The following FRMPD2 variants were observed in gnomAD, a reference collection of about 807,000 sequenced individuals.
FRMPD2 encodes the protein FERM and PDZ domain-containing protein 2.
In FRMPD2, 96 loss-of-function variants were observed where a neutral mutation model predicts 140.1. That is an observed-to-expected ratio of 0.69 (90% CI 0.58 to 0.81). The LOEUF is 0.81. FRMPD2 is among the 40% of genes least tolerant of loss of function. FRMPD2 has a pLI of 0.00. For missense variants in FRMPD2, 1,240 were observed against 1,447.4 expected (o/e 0.86, Z 2.32); for synonymous variants, 449 against 547.6 (o/e 0.82, Z 2.52).
At position 48,222,392 on chromosome 10, in the gene FRMPD2, C is replaced by T. The variant is rs755834652; in HGVS notation, c.1376G>A (p.Arg459Lys). The T allele has an allele frequency of 7.4e-6, 12 of 1,614,060 alleles. No individual in the cohort carries two copies. The highest frequency in any genetic ancestry group is 2.2e-5 in the South Asian group (2 of 91,086). ...LQLRKDILEE[R>K]LYCNEEILLQ... ...CAGTATCTCTTCATTGCAGTACAGC[C>T]TCTCCTCCAGGATATCTTTCCGAAG... The change falls in exon 12 of 29, where the codon AGG (arginine) becomes AAG (lysine). Residue 459 changes from arginine (R) to lysine (K), a missense_variant. Physicochemically the swap from Arg to Lys is conservative, Grantham distance 26. This residue lies in a region of FRMPD2 where 1,161 missense variants were observed against 1,055.9 expected (regional missense o/e 1.10). Coordinates refer to ENST00000374201, the MANE Select transcript of FRMPD2 (RefSeq NM_001018071.4).
intron 15 of FRMPD2, among the ~76,000 whole-genome samples, 186 bp downstream of exon 15, chr10:48,201,042 T>C (rs1463946708): frequency 3.3e-5 from 5 of 152,236 alleles, no homozygotes; most frequent in South Asian, 2.1e-4. Flanking sequence ...CCCAGTGTTA[T>C]TTATTTTAGT....
rs377038738 is a variant in FRMPD2, at chr10:48,232,189, C to T, written c.1094G>A (p.Gly365Glu). 9.0e-5 allele frequency: 145 copies of T among 1,614,074 alleles called. 1 individual carries two copies. Among genetic ancestry groups the T allele is most frequent in the Non-Finnish European group, 1.2e-4 (141 of 1,180,044 alleles). ...GGATGTCACGGCATTGAAGACAGCTCCCACTGTTGATTCAACATCACATTT... is the reference window on the plus strand; with the variant it reads ...GGATGTCACGGCATTGAAGACAGCTTCCACTGTTGATTCAACATCACATTT... ...EVKCDVESTV[G>E]AVFNAVTSFA... The change falls in exon 10 of 29, where the codon GGA (glycine) becomes GAA (glutamate). Residue 365 changes from glycine (G) to glutamate (E), a missense_variant. By Grantham distance (98) the Gly-to-Glu change is moderately conservative. Coordinates refer to ENST00000374201, the MANE Select transcript of FRMPD2 (RefSeq NM_001018071.4).
chr10:48,247,209 T>C (rs1444697618), intron 3 of FRMPD2, among the ~76,000 whole-genome samples: 1 of 152,240 alleles, frequency 6.6e-6, no homozygotes. Context: ...AAAGACGCTC[T>C]GGGCAGAGAA....
intron 14 of FRMPD2, among the ~76,000 whole-genome samples, chr10:48,204,090 G>C (rs1839148649): frequency 6.6e-6 from 1 of 152,198 alleles, no homozygotes; most frequent in South Asian, 2.1e-4. Context: ...CCAGCAGCCA[G>C]ATGAAATTGA....
At chr10:48,237,601 G>C (rs955602319) in intron 8 of FRMPD2, among the ~76,000 whole-genome samples, 6 of 152,062 alleles carry the variant, frequency 3.9e-5, no homozygotes, top group African/African-American at 1.4e-4. Context: ...CCCTATAGAA[G>C]CCCTCCCTGC....
intron 1 of FRMPD2, among the ~76,000 whole-genome samples, chr10:48,261,382 C>T (rs558040732): frequency 6.6e-6 from 1 of 151,334 alleles, no homozygotes; most frequent in East Asian, 1.9e-4. Context: ...ATTAATATTC[C>T]CCAGCAAAAA....
intron 15 of FRMPD2, 49 bp from the exon 16 acceptor site, chr10:48,192,943 C>T: frequency 1.5e-6 from 2 of 1,374,508 alleles, no homozygotes; most frequent in Non-Finnish European, 2.1e-6. Flanking sequence ...AAGAATGATG[C>T]TGGATCCATT....
chr10:48,207,008 A>G (rs966916856), intron 13 of FRMPD2, 75 bp from the exon 14 acceptor site: 7 of 1,329,310 alleles, frequency 5.3e-6, no homozygotes, highest in Non-Finnish European at 7.2e-6. Context: ...CATTCACTCC[A>G]TGCAAAACAC....
chr10:48,250,022 T>A (rs921816832), intron 2 of FRMPD2, among the ~76,000 whole-genome samples: 1 of 152,172 alleles, frequency 6.6e-6, no homozygotes, highest in Non-Finnish European at 1.5e-5. Flanking sequence ...GCCCAGGATG[T>A]GAGGTCACTT....
intron 3 of FRMPD2, among the ~76,000 whole-genome samples, chr10:48,248,213 T>C (rs1432886914): frequency 6.6e-6 from 1 of 152,156 alleles, no homozygotes; most frequent in African/African-American, 2.4e-5. Flanking sequence ...CCCCATCCAG[T>C]GTTGTGTGGC....
At chr10:48,247,203 A>G (rs1302710000) in intron 3 of FRMPD2, among the ~76,000 whole-genome samples, 1 of 152,206 alleles carries the variant, frequency 6.6e-6, no homozygotes, top group Non-Finnish European at 1.5e-5. Context: ...CAGCTCAAAG[A>G]CGCTCTGGGC....
chr10:48,234,750 T>C (rs959605362), intron 9 of FRMPD2, among the ~76,000 whole-genome samples: 4 of 152,012 alleles, frequency 2.6e-5, no homozygotes, highest in African/African-American at 7.2e-5. Context: ...GGGTCCAAGG[T>C]CCCCTCTGAG....
Position 48,239,623 on chromosome 10 carries a change from C to T in FRMPD2, c.770G>A (p.Cys257Tyr). 2 of 1,614,010 alleles carry T rather than the reference C, an allele frequency of 1.2e-6. No homozygotes were observed. Among genetic ancestry groups the T allele is most frequent in the Admixed American group, 1.7e-5 (1 of 60,026 alleles). Residue 257 changes from cysteine (C) to tyrosine (Y), a missense_variant, in exon 7 of 29, where the codon TGC becomes TAC. Transcript: ENST00000374201. ...PHWSTLTHSH[C>Y]SLLVNRALPG... Reference sequence around the variant, plus strand: ...TGCTTACCGGTTAACAAGGAGGCTGCAGTGACTGTGTGTCAAGGTGCTCCA... The same window carrying T: ...TGCTTACCGGTTAACAAGGAGGCTGTAGTGACTGTGTGTCAAGGTGCTCCA...
intron 10 of FRMPD2, among the ~76,000 whole-genome samples, chr10:48,227,602 C>G (rs1297865980): frequency 6.6e-6 from 1 of 152,104 alleles, no homozygotes; most frequent in African/African-American, 2.4e-5. Flanking sequence ...CTCTCGTATC[C>G]ATGGTTAAGA....
rs545703602 is a variant in FRMPD2 at position 48,270,246 on chromosome 10, G to A, written c.25+4297C>T. On this transcript the variant is annotated intron_variant, in intron 1 of 28. Transcript: ENST00000374201. ...CATTTTCATCCCTCAAGTGGGCTTC[G>A]ATGATGAGCGCTCAGTGCCCATGAG... Among the ~76,000 whole-genome samples the A allele has an allele frequency of 1.7e-3, 260 of 152,252 alleles. 1 individual carries two copies. The highest frequency in any genetic ancestry group is 5.6e-3 in the African/African-American group (234 of 41,532).
At chr10:48,201,487 G>T in intron 14 of FRMPD2, 103 bp from the exon 15 acceptor site, 1 of 1,024,718 alleles carries the variant, frequency 9.8e-7, no homozygotes, top group Non-Finnish European at 1.5e-6. Flanking sequence ...ACACCCTGTA[G>T]CAGGCATCCA....
rs1268910713 is a variant in FRMPD2 at position 48,251,646 on chromosome 10, CT to C, written c.70del (p.Arg24GlyfsTer56). ...SVTLASALQV[R>X]GEALSEEEIW... Reference sequence around the variant, plus strand: ...TTCCTCCTCAGACAGAGCTTCACCCCTGACCTGTAGGGCGCTGGCCAGCGTC... The same window carrying C: ...TTCCTCCTCAGACAGAGCTTCACCCCGACCTGTAGGGCGCTGGCCAGCGTC... On this transcript the variant is annotated frameshift_variant, in exon 2 of 29. Transcript: ENST00000374201. LOFTEE classifies it high-confidence loss of function. 6 of 1,614,122 alleles carry C rather than the reference CT, an allele frequency of 3.7e-6. No individual in the cohort carries two copies. Among genetic ancestry groups the C allele is most frequent in the Non-Finnish European group, 5.1e-6 (6 of 1,180,046 alleles).
rs777032991 is a variant in FRMPD2 at position 48,212,106 on chromosome 10, C to A, written c.1459G>T (p.Val487Leu). 2 of 1,613,922 alleles carry A rather than the reference C, an allele frequency of 1.2e-6. No homozygotes were observed. The highest frequency in any genetic ancestry group is 1.7e-6 in the Non-Finnish European group (2 of 1,179,914). The change falls in exon 13 of 29, where the codon GTG becomes TTG. Residue 487 changes from valine (V) to leucine (L), a missense_variant. Val to Leu is a conservative substitution (Grantham distance 32). Coordinates refer to ENST00000374201, the MANE Select transcript of FRMPD2 (RefSeq NM_001018071.4). ...ACGTGAAAGTATGGCTTACTCTCCA[C>A]CTGCTGGAAGTAAGATGTAGAAGGG... ...AEFGNYPKEQ[V>L]ESKPYFHVED...
At chr10:48,210,518 A>G (rs940657625) in intron 13 of FRMPD2, among the ~76,000 whole-genome samples, 1 of 152,186 alleles carries the variant, frequency 6.6e-6, no homozygotes, top group South Asian at 2.1e-4. Flanking sequence ...CATCCTGCAG[A>G]CATCTGCCGC....
Sources: allele counts gnomAD v4.1 joint callset (sites outside exome capture counted in the v4.1 genomes callset), GRCh38; gene constraint gnomAD v4.1.1; regional missense constraint gnomAD v4.1.1; transcripts MANE v1.5; gene names NCBI Gene and HGNC (gene_info 2026-07-23, HGNC 2026-07-21).